The following FAM153A variants were observed in gnomAD, a reference collection of about 807,000 sequenced individuals.
FAM153A encodes protein FAM153A.
A neutral mutation model predicts 48.1 loss-of-function variants in FAM153A; 12 were observed. The ratio of observed to expected loss-of-function variants is 0.25; its 90% confidence interval spans 0.16 to 0.40. FAM153A has a LOEUF of 0.40. Among genes scored for constraint, FAM153A ranks in the 10% least tolerant of loss-of-function variants. FAM153A has a pLI of 1.00. For synonymous variants in FAM153A, 36 were observed against 118.2 expected (o/e 0.30, Z 4.51); for missense variants, 111 against 345.8 (o/e 0.32, Z 5.38).
upstream of FAM153A, among the ~76,000 whole-genome samples, chr5:177,755,983 C>T (rs1399768789): frequency 6.6e-6 from 1 of 150,564 alleles, no homozygotes; most frequent in Non-Finnish European, 1.5e-5. Context: ...TCACACATAA[C>T]AATATTAACC....
chr5:177,701,982 A>G, the FAM153A span, among the ~76,000 whole-genome samples: 1 of 150,604 alleles, frequency 6.6e-6, no homozygotes, highest in Non-Finnish European at 1.5e-5. Flanking sequence ...ATCTCGGCTC[A>G]CTGCAAGCTC....
intron 1 of FAM153A, among the ~76,000 whole-genome samples, chr5:177,759,296 A>G (rs549742605): frequency 3.9e-5 from 6 of 151,932 alleles, no homozygotes; most frequent in African/African-American, 1.2e-4. Context: ...TAGAATGGTG[A>G]TCTTTAAAAA....
At chr5:177,735,168 G>C (rs1764510781) in intron 12 of FAM153A, among the ~76,000 whole-genome samples, 1 of 150,244 alleles carries the variant, frequency 6.7e-6, no homozygotes, top group African/African-American at 2.5e-5. Flanking sequence ...AGCCTCTTAG[G>C]GCTCCTCCTT....
chr5:177,746,216 G>A (rs1052853499), intron 4 of FAM153A, among the ~76,000 whole-genome samples: 2 of 150,734 alleles, frequency 1.3e-5, no homozygotes, highest in African/African-American at 2.5e-5. Flanking sequence ...ACGATGAATG[G>A]GTAGCTGAGT....
downstream of FAM153A, among the ~76,000 whole-genome samples, chr5:177,707,739 T>C (rs143006858): frequency 6.0e-3 from 916 of 151,888 alleles, 25 homozygotes; most frequent in African/African-American, 0.021. Flanking sequence ...TGCTGTATTT[T>C]TAGTAGAGAT....
downstream of FAM153A, among the ~76,000 whole-genome samples, chr5:177,709,127 A>G (rs1225539047): frequency 4.3e-4 from 60 of 138,872 alleles, 1 homozygote; most frequent in African/African-American, 1.3e-3. Flanking sequence ...AAAAAAAAAA[A>G]AAAAAGAAAG....
Position 177,738,185 on chromosome 5 carries a change from C to T in FAM153A, c.562+928G>A, listed in dbSNP as rs375061059. Among the ~76,000 whole-genome samples the T allele has an allele frequency of 5.9e-5, 9 of 151,346 alleles. 1 individual carries two copies. The highest frequency in any genetic ancestry group is 2.1e-4 in the South Asian group (1 of 4,826). ...CAGGATAACACCCAAGTTTTTCCTTCGGTTCTCATTTGGTGCTGTGTCTTG... is the reference window on the plus strand; with the variant it reads ...CAGGATAACACCCAAGTTTTTCCTTTGGTTCTCATTTGGTGCTGTGTCTTG... On this transcript the variant is annotated intron_variant, in intron 10 of 20. Coordinates refer to ENST00000614127, the Ensembl canonical transcript of FAM153A.
intron 1 of FAM153A, among the ~76,000 whole-genome samples, chr5:177,752,815 C>A (rs1188656998): frequency 2.1e-4 from 26 of 126,468 alleles, no homozygotes; most frequent in African/African-American, 8.5e-4. Flanking sequence ...GTAATCCCAG[C>A]TACTCAGGAG....
rs1561920612 is a variant in FAM153A at position 177,740,774 on chromosome 5, T to G, written c.466+3A>C. On this transcript the variant is annotated splice_donor_region_variant and intron_variant, in intron 8 of 20. Coordinates refer to ENST00000614127, the Ensembl canonical transcript of FAM153A. ...ATAAAAAGAGTAAACCCAGAATACATACCTTCTGATGGAAAGCATACCCTT... is the reference window on the plus strand; with the variant it reads ...ATAAAAAGAGTAAACCCAGAATACAGACCTTCTGATGGAAAGCATACCCTT... The G allele has an allele frequency of 2.7e-6, 2 of 745,690 alleles. 1 individual carries two copies. The highest frequency in any genetic ancestry group is 7.8e-5 in the East Asian group (2 of 25,570). The allele number at this position is 745,690 out of a possible 1,614,324, so 46.2% of individuals were successfully genotyped here. A position where few individuals can be genotyped will look rare whatever the true frequency, so the allele number is the denominator to read the frequency against.
chr5:177,758,916 C>T (rs1330234935), intron 1 of FAM153A, among the ~76,000 whole-genome samples: 1 of 151,472 alleles, frequency 6.6e-6, no homozygotes, highest in Admixed American at 6.6e-5. Context: ...TAGGCATGGG[C>T]AAGGACTTCA....
chr5:177,739,625 T>C lies in FAM153A; in HGVS notation c.512A>G (p.Asn171Ser), dbSNP rs753365425. 178 of 638,072 alleles carry C rather than the reference T, an allele frequency of 2.8e-4. 22 individuals are homozygous for C. Among genetic ancestry groups the C allele is most frequent in the Non-Finnish European group, 3.3e-4 (141 of 430,296 alleles). The allele number at this position is 638,072 out of a possible 1,614,324, so 39.5% of individuals were successfully genotyped here. A position where few individuals can be genotyped will look rare whatever the true frequency, so the allele number is the denominator to read the frequency against. ...ATGGGCAACAGTGAGGAGACTCTGA[T>C]TGGATGCTTCAGGGAGATGTTCTGC... Residue 171 changes from asparagine (N) to serine (S), a missense_variant, in exon 9 of 21, where the codon AAT (asparagine) becomes AGT (serine). Physicochemically the swap from Asn to Ser is conservative, Grantham distance 46. Coordinates refer to ENST00000614127, the Ensembl canonical transcript of FAM153A.
At chr5:177,743,212 T>G (rs777316003) in intron 6 of FAM153A, among the ~76,000 whole-genome samples, 218 of 93,956 alleles carry the variant, frequency 2.3e-3, no homozygotes, top group Middle Eastern at 9.4e-3. Flanking sequence ...TTTTGTTTTT[T>G]TTTTTTTTGC....
chr5:177,695,810 G>C, the FAM153A span, among the ~76,000 whole-genome samples: 4 of 151,450 alleles, frequency 2.6e-5, no homozygotes, highest in African/African-American at 9.8e-5. Flanking sequence ...GGGGCGGCCG[G>C]GCAGAGGCAC....
At chr5:177,757,420 C>T (rs1295841351), upstream of FAM153A, among the ~76,000 whole-genome samples, 2 of 107,092 alleles carry the variant, frequency 1.9e-5, no homozygotes, top group African/African-American at 3.7e-5. Context: ...TGGTACCATT[C>T]CTTCTGAAAC....
intron 1 of FAM153A, among the ~76,000 whole-genome samples, chr5:177,779,078 T>C (rs1035968928): frequency 6.6e-6 from 1 of 151,474 alleles, no homozygotes; most frequent in African/African-American, 2.4e-5. Flanking sequence ...TATAATAGTA[T>C]AACTACTGAT....
At chr5:177,711,588 T>TTA (rs1219889953) in exon 27 of FAM153A, 1 of 151,954 alleles carries the variant, frequency 6.6e-6, no homozygotes, top group African/African-American at 2.4e-5. Context: ...GGGTGAGTTC[T>TTA]TATATATGTA....
At chr5:177,714,124 G>A (rs1246776922) in intron 25 of FAM153A, 1 of 151,358 alleles carries the variant, frequency 6.6e-6, no homozygotes, top group African/African-American at 2.4e-5. Context: ...AAAGCTTCCA[G>A]CATCTACAAC....
intron 1 of FAM153A, among the ~76,000 whole-genome samples, chr5:177,760,115 AG>A (rs1207585168): frequency 6.6e-6 from 1 of 151,142 alleles, no homozygotes; most frequent in Non-Finnish European, 1.5e-5. Flanking sequence ...ACAACTGAAT[AG>A]AAAATTGGGC....
rs374466697 is a variant in FAM153A at position 177,752,932 on chromosome 5, CA to C, written c.31+243del. ...AACAGAGCAAGACTCTTCACTCTTCCAAAAAAAAAAAAAAAAATTGGCATTG... is the reference window on the plus strand; with the variant it reads ...AACAGAGCAAGACTCTTCACTCTTCCAAAAAAAAAAAAAAAATTGGCATTG... On this transcript the variant is annotated intron_variant, in intron 1 of 20. Coordinates refer to ENST00000614127, the Ensembl canonical transcript of FAM153A. 9.0e-3 allele frequency among the ~76,000 whole-genome samples: 882 copies of C among 97,500 alleles called. 6 individuals carry two copies. The highest frequency in any genetic ancestry group is 0.028 in the African/African-American group (616 of 22,384). 64.0% of individuals were successfully genotyped at this position (97,500 alleles called of 152,430 possible). A position where few individuals can be genotyped will look rare whatever the true frequency, so the allele number is the denominator to read the frequency against.
Sources: allele counts gnomAD v4.1 joint callset (sites outside exome capture counted in the v4.1 genomes callset), GRCh38; gene constraint gnomAD v4.1.1; transcripts MANE v1.5; gene names NCBI Gene and HGNC (gene_info 2026-07-23, HGNC 2026-07-21).